Variants in PLXNA4 observed in about 807,000 individuals in gnomAD.
PLXNA4 encodes the protein plexin A4.
In PLXNA4, 44 loss-of-function variants were observed where a neutral mutation model predicts 191.8. The ratio of observed to expected loss-of-function variants is 0.23; its 90% CI spans 0.18 to 0.29. The LOEUF (loss-of-function observed/expected upper bound fraction) is 0.29, where lower values mean the gene tolerates loss of function less well. PLXNA4 is among the 10% of genes least tolerant of loss of function. The pLI is 1.00. For missense variants in PLXNA4, 1,800 were observed against 2,488.8 expected (o/e 0.72, Z 5.89); for synonymous variants, 1,082 against 1,009.5 (o/e 1.07, Z -1.36).
chr7:132,403,425 G>C (rs541230899), intron 3 of PLXNA4, among the ~76,000 whole-genome samples: 5 of 152,306 alleles, frequency 3.3e-5, no homozygotes, highest in African/African-American at 1.2e-4. Flanking sequence ...CTAAAACCAG[G>C]CAGGCAGGTA....
At chr7:132,403,227 G>T (rs1278361109) in intron 3 of PLXNA4, among the ~76,000 whole-genome samples, 1 of 152,242 alleles carries the variant, frequency 6.6e-6, no homozygotes, top group African/African-American at 2.4e-5. Context: ...GTCCACAAAA[G>T]CAGCAGGGAA....
At chr7:132,355,776 G>A (rs1461681996) in intron 3 of PLXNA4, among the ~76,000 whole-genome samples, 1 of 151,842 alleles carries the variant, frequency 6.6e-6, no homozygotes, top group African/African-American at 2.4e-5. Context: ...GAGGCTTTGG[G>A]GAGGGAGAGA....
At chr7:132,387,795 C>A (rs1021429202) in intron 3 of PLXNA4, among the ~76,000 whole-genome samples, 1 of 152,090 alleles carries the variant, frequency 6.6e-6, no homozygotes, top group Non-Finnish European at 1.5e-5. Context: ...TAGATCTTGT[C>A]TACTTAGCTG....
chr7:132,368,826 C>T lies in PLXNA4; in HGVS notation c.1372-70604G>A, dbSNP rs575168076. Among the ~76,000 whole-genome samples, 18 of 152,274 alleles carry T rather than the reference C, an allele frequency of 1.2e-4. No homozygotes were observed. The East Asian group carries it at 2.5e-3, about 21-fold the overall frequency. On this transcript the variant is annotated intron_variant, in intron 3 of 31. Transcript: ENST00000321063. ...CCAGGTGAAATTTGCAGTCACCAGC[C>T]GCCAGCCATGTGGTGACATTGGATT... is the stretch of plus-strand genomic sequence containing the variant.
At chr7:132,201,963 A>G (rs1797450758) in intron 12 of PLXNA4, among the ~76,000 whole-genome samples, 1 of 152,076 alleles carries the variant, frequency 6.6e-6, no homozygotes, top group Admixed American at 6.5e-5. Flanking sequence ...TGTGAGAGGG[A>G]CGCTCAGGCC....
chr7:132,299,212 C>T (rs2116508505), intron 3 of PLXNA4, among the ~76,000 whole-genome samples: 1 of 152,282 alleles, frequency 6.6e-6, no homozygotes, highest in South Asian at 2.1e-4. Context: ...CACTTCCCTA[C>T]CACATGCACA....
intron 3 of PLXNA4, among the ~76,000 whole-genome samples, chr7:132,450,990 G>A (rs1231516343): frequency 6.6e-6 from 1 of 152,180 alleles, no homozygotes; most frequent in Non-Finnish European, 1.5e-5. Context: ...ATAATTCCAG[G>A]TCACCCTCTC....
chr7:132,446,963 C>T (rs574498283), intron 3 of PLXNA4, among the ~76,000 whole-genome samples: 139 of 152,306 alleles, frequency 9.1e-4, no homozygotes, highest in African/African-American at 3.2e-3. Flanking sequence ...CGCCCACATC[C>T]ATAATGCGCA....
intron 4 of PLXNA4, among the ~76,000 whole-genome samples, chr7:132,274,439 C>T (rs974241702): frequency 2.0e-4 from 30 of 152,206 alleles, no homozygotes; most frequent in Admixed American, 5.9e-4. Context: ...AAAACCAGGA[C>T]ATTAACACTG....
intron 25 of PLXNA4, 144 bp downstream of exon 25, chr7:132,159,329 G>T (rs901817809): frequency 7.4e-7 from 1 of 1,344,742 alleles, no homozygotes. Context: ...GGGCTCCTGC[G>T]GGGGTCCAGC....
At chr7:132,331,629 TA>T (rs1802594446) in intron 3 of PLXNA4, among the ~76,000 whole-genome samples, 1 of 152,232 alleles carries the variant, frequency 6.6e-6, no homozygotes, top group East Asian at 1.9e-4. Context: ...TTGCATGTAA[TA>T]ATAACCTCAA....
intron 3 of PLXNA4, among the ~76,000 whole-genome samples, chr7:132,348,236 C>A (rs1490427974): frequency 6.6e-6 from 1 of 152,194 alleles, no homozygotes; most frequent in African/African-American, 2.4e-5. Flanking sequence ...GCCTCCTAAT[C>A]TTCTATACAG....
At chr7:132,173,124 C>T (rs900086174) in intron 21 of PLXNA4, among the ~76,000 whole-genome samples, 1 of 152,152 alleles carries the variant, frequency 6.6e-6, no homozygotes, top group Non-Finnish European at 1.5e-5. Context: ...CACGTGCACA[C>T]AATGGTCTTA....
chr7:132,451,389 G>A (rs1297356069), intron 3 of PLXNA4, among the ~76,000 whole-genome samples: 1 of 152,204 alleles, frequency 6.6e-6, no homozygotes, highest in African/African-American at 2.4e-5. Flanking sequence ...CGTCACATCA[G>A]TATCCCCTTC....
intron 2 of PLXNA4, among the ~76,000 whole-genome samples, chr7:132,606,669 C>A (rs147944577): frequency 1.3e-5 from 2 of 152,178 alleles, no homozygotes; most frequent in African/African-American, 4.8e-5. Flanking sequence ...AACTGAACCA[C>A]CAAACTCACA....
chr7:132,475,759 A>T (rs954673756), intron 3 of PLXNA4, among the ~76,000 whole-genome samples: 2 of 150,252 alleles, frequency 1.3e-5, no homozygotes, highest in Non-Finnish European at 2.9e-5. Flanking sequence ...AGGAGCACTT[A>T]AAAAAAAGCA....
intron 3 of PLXNA4, among the ~76,000 whole-genome samples, chr7:132,390,300 A>G (rs1444332702): frequency 6.6e-6 from 1 of 152,148 alleles, no homozygotes; most frequent in Non-Finnish European, 1.5e-5. Flanking sequence ...CATCATTCTC[A>G]GCAAACTAAC....
At chr7:132,645,506 A>G (rs1375893044) in intron 2 of PLXNA4, among the ~76,000 whole-genome samples, 1 of 152,172 alleles carries the variant, frequency 6.6e-6, no homozygotes, top group East Asian at 1.9e-4. Flanking sequence ...ACCTCTTTTC[A>G]TTATAAATTA....
chr7:132,380,430 A>G (rs10240434), intron 3 of PLXNA4, among the ~76,000 whole-genome samples: 67,028 of 151,972 alleles, frequency 0.44, 16,827 homozygotes, highest in African/African-American at 0.69. Flanking sequence ...AAGCAGATGG[A>G]TGGAATCAGA....
Sources: gnomAD v4.1 joint callset for allele counts (sites outside exome capture counted in the v4.1 genomes callset) on GRCh38, gnomAD v4.1.1 for gene constraint, MANE v1.5 for transcripts, NCBI Gene and HGNC (gene_info 2026-07-23, HGNC 2026-07-21) for gene names.